Variants in TRIP4 observed in about 807,000 individuals in gnomAD.
TRIP4 encodes thyroid hormone receptor interactor 4, also known as activating signal cointegrator 1.
Under a neutral mutation model 81.8 loss-of-function variants are expected in TRIP4, and 54 were observed. The ratio of observed to expected loss-of-function variants is 0.66; its 90% CI spans 0.53 to 0.83. The LOEUF (loss-of-function observed/expected upper bound fraction) is 0.83. Among genes scored for constraint, TRIP4 ranks in the 40% least tolerant of loss-of-function variants. TRIP4 has a pLI of 0.00. For missense variants in TRIP4, 662 were observed against 683.6 expected (o/e 0.97, Z 0.35); for synonymous variants, 270 against 242.8 (o/e 1.11, Z -1.04).
At chr15:64,406,741 GT>G (rs1891631169) in intron 6 of TRIP4, among the ~76,000 whole-genome samples, 1 of 152,132 alleles carries the variant, frequency 6.6e-6, no homozygotes, top group African/African-American at 2.4e-5. Flanking sequence ...TTCACCACTT[GT>G]TTTACTTGTA....
intron 5 of TRIP4, among the ~76,000 whole-genome samples, chr15:64,402,745 C>T (rs766908864): frequency 1.1e-4 from 17 of 150,648 alleles, no homozygotes; most frequent in Non-Finnish European, 2.4e-4. Flanking sequence ...AGGCTGGTCT[C>T]GAACTCCTGA....
chr15:64,432,440 T>C (rs957696315), intron 11 of TRIP4, among the ~76,000 whole-genome samples: 1 of 117,504 alleles, frequency 8.5e-6, no homozygotes, highest in African/African-American at 3.0e-5. Context: ...TTGGTGACCA[T>C]CTCTACTAAA....
chr15:64,442,072 G>A (rs1055333394), intron 11 of TRIP4, among the ~76,000 whole-genome samples: 5 of 152,234 alleles, frequency 3.3e-5, no homozygotes, highest in Middle Eastern at 3.4e-3. Flanking sequence ...AGGTATCAGA[G>A]AGGAAATGGG....
chr15:64,427,744 C>T (rs1355674069), intron 11 of TRIP4, among the ~76,000 whole-genome samples: 3 of 152,028 alleles, frequency 2.0e-5, no homozygotes, highest in Non-Finnish European at 4.4e-5. Flanking sequence ...TGTGAGTTAC[C>T]TCCTCTGCCT....
intron 9 of TRIP4, among the ~76,000 whole-genome samples, chr15:64,420,203 C>T (rs1891980748): frequency 6.6e-6 from 1 of 151,020 alleles, no homozygotes; most frequent in East Asian, 1.9e-4. Flanking sequence ...CTCACTGCAA[C>T]CTCCACCTCC....
chr15:64,394,035 TAGA>T lies in TRIP4; in HGVS notation c.196_198del (p.Glu66del), dbSNP rs1900213509. On this transcript the variant is annotated inframe_deletion, in exon 2 of 13. Coordinates refer to ENST00000261884, the MANE Select transcript of TRIP4 (RefSeq NM_016213.5). ...AATGAAGGCAAAAAAGGTCAATTCA[TAGA>T]AGAACTTATAACCAAATGGCAAAAG... 3 of 1,612,478 alleles carry T rather than the reference TAGA, an allele frequency of 1.9e-6. No homozygotes were observed. The Admixed American group carries it at 5.0e-5, about 27-fold the overall frequency.
chr15:64,392,815 A>G (rs903296162), intron 1 of TRIP4, among the ~76,000 whole-genome samples: 2 of 151,954 alleles, frequency 1.3e-5, no homozygotes, highest in African/African-American at 4.8e-5. Flanking sequence ...AGGTCTCCCT[A>G]TGTTGCCCAG....
At chr15:64,435,213 C>CA (rs35216763) in intron 11 of TRIP4, among the ~76,000 whole-genome samples, 38,130 of 50,530 alleles carry the variant, frequency 0.75, 14,952 homozygotes, top group East Asian at 0.92. Flanking sequence ...GACCCCATCT[C>CA]AAAAAAAAAA....
intron 4 of TRIP4, 69 bp downstream of exon 4, chr15:64,397,887 A>C: frequency 6.6e-7 from 1 of 1,520,764 alleles, no homozygotes; most frequent in Non-Finnish European, 8.9e-7. Flanking sequence ...TCAGATCTCA[A>C]GTAATTTCTC....
intron 10 of TRIP4, 148 bp downstream of exon 10, chr15:64,424,303 C>A: frequency 9.1e-7 from 1 of 1,100,284 alleles, no homozygotes; most frequent in Non-Finnish European, 1.3e-6. Flanking sequence ...AGTGGTAAAT[C>A]ATTGACAGCG....
intron 3 of TRIP4, 112 bp downstream of exon 3, chr15:64,395,643 A>C: frequency 8.1e-7 from 1 of 1,234,274 alleles, no homozygotes; most frequent in Non-Finnish European, 1.1e-6. Context: ...TTTTCAACAA[A>C]TGCATGAATT....
chr15:64,387,922 T>A lies in TRIP4; in HGVS notation c.59T>A (p.Leu20Ter), dbSNP rs768797866. 7.1e-6 allele frequency: 11 copies of A among 1,551,126 alleles called. No individual in the cohort carries two copies. Among genetic ancestry groups the A allele is most frequent in the Non-Finnish European group, 9.6e-6 (11 of 1,147,180 alleles). The part of the protein sequence containing the change: ...EPLVHWCTQQ[L>*]RKTFGLDVSE... ...CTGGTGCACTGGTGCACCCAGCAGT[T>A]GCGGAAGACTTTCGGCCTGGATGTC... The change falls in exon 1 of 13, where the codon TTG becomes TAG. Residue 20 changes from leucine (L) to a stop codon, truncating the protein, a stop_gained. Transcript: ENST00000261884. LOFTEE classifies it high-confidence loss of function.
At chr15:64,447,567 A>G (rs1169480674) in intron 12 of TRIP4, among the ~76,000 whole-genome samples, 1 of 152,210 alleles carries the variant, frequency 6.6e-6, no homozygotes, top group Non-Finnish European at 1.5e-5. Flanking sequence ...AATTCAGGCA[A>G]CATCTTGATT....
chr15:64,388,044 G>C, intron 1 of TRIP4, 80 bp downstream of exon 1: 1 of 1,456,586 alleles, frequency 6.9e-7, no homozygotes, highest in Non-Finnish European at 9.1e-7. Flanking sequence ...GGGGAGGACT[G>C]AAAAGTTAAG....
chr15:64,445,215 TGAGGTAA>T (rs1458876481), intron 12 of TRIP4, 107 bp downstream of exon 12: 2 of 581,916 alleles, frequency 3.4e-6, no homozygotes, highest in African/African-American at 3.9e-5. Flanking sequence ...AACAATCAGT[TGAGGTAA>T]CCCACTACCT....
intron 11 of TRIP4, among the ~76,000 whole-genome samples, chr15:64,442,167 G>A (rs1254039816): frequency 1.3e-5 from 2 of 149,864 alleles, no homozygotes; most frequent in Non-Finnish European, 3.0e-5. Flanking sequence ...CCGTTGGAGA[G>A]TTTTAAGCAG....
intron 1 of TRIP4, among the ~76,000 whole-genome samples, chr15:64,389,675 G>T (rs1900059423): frequency 6.7e-6 from 1 of 148,378 alleles, no homozygotes; most frequent in African/African-American, 2.5e-5. Flanking sequence ...AAACAGAAAA[G>T]TGTTTTTTAC....
intron 11 of TRIP4, among the ~76,000 whole-genome samples, chr15:64,429,641 C>CTATT (rs1164907538): frequency 6.6e-6 from 1 of 152,158 alleles, no homozygotes; most frequent in East Asian, 1.9e-4. Flanking sequence ...CATGCACTAC[C>CTATT]TATTTACATA....
At chr15:64,432,188 CATT>C (rs1385825041) in intron 11 of TRIP4, among the ~76,000 whole-genome samples, 1 of 151,534 alleles carries the variant, frequency 6.6e-6, no homozygotes, top group Non-Finnish European at 1.5e-5. Context: ...CCTGGCTGAG[CATT>C]ATGTTTTCTG....
Sources: allele counts gnomAD v4.1 joint callset (sites outside exome capture counted in the v4.1 genomes callset), GRCh38; gene constraint gnomAD v4.1.1; transcripts MANE v1.5; gene names NCBI Gene and HGNC (gene_info 2026-07-23, HGNC 2026-07-21).